The following CRYM variants were observed in gnomAD, a reference collection of about 807,000 sequenced individuals.
CRYM encodes crystallin mu, also known as ketimine reductase mu-crystallin.
CRYM carries 18 observed loss-of-function variants against 32.9 expected under a neutral mutation model. The observed-to-expected ratio is 0.55, with a 90% confidence interval of 0.38 to 0.81. The LOEUF (loss-of-function observed/expected upper bound fraction) is 0.81. Ranked by LOEUF, CRYM falls within the 30% of genes least tolerant of loss-of-function variation. CRYM has a pLI of 0.00. For missense variants in CRYM, 337 were observed against 393.5 expected (o/e 0.86, Z 1.21); for synonymous variants, 153 against 152.4 (o/e 1.00, Z -0.03).
intron 3 of CRYM, among the ~76,000 whole-genome samples, chr16:21,271,900 C>T (rs1055624396): frequency 6.6e-6 from 1 of 151,890 alleles, no homozygotes. Flanking sequence ...GCTTTGTCGC[C>T]CAGGCTGGAA....
chr16:21,270,151 G>A (rs1400661706), intron 3 of CRYM, among the ~76,000 whole-genome samples: 1 of 152,162 alleles, frequency 6.6e-6, no homozygotes, highest in African/African-American at 2.4e-5. Context: ...TTGACCCTAC[G>A]AGTTGGGGAC....
At chr16:21,295,793 G>A (rs1960776481) in intron 1 of CRYM, among the ~76,000 whole-genome samples, 1 of 152,140 alleles carries the variant, frequency 6.6e-6, no homozygotes, top group Non-Finnish European at 1.5e-5. Context: ...TTAGCTGGGT[G>A]TGGTGGCACA....
At chr16:21,272,449 C>T (rs2093377542) in intron 3 of CRYM, among the ~76,000 whole-genome samples, 1 of 152,130 alleles carries the variant, frequency 6.6e-6, no homozygotes, top group African/African-American at 2.4e-5. Flanking sequence ...TTCCTTCAAC[C>T]ACAGGGCCTT....
chr16:21,272,455 G>A (rs2093377547), intron 3 of CRYM, among the ~76,000 whole-genome samples: 1 of 152,012 alleles, frequency 6.6e-6, no homozygotes, highest in African/African-American at 2.4e-5. Context: ...CAACCACAGG[G>A]CCTTTGCATG....
intron 1 of CRYM, among the ~76,000 whole-genome samples, chr16:21,284,686 T>C (rs1171613239): frequency 6.6e-6 from 1 of 152,228 alleles, no homozygotes; most frequent in Non-Finnish European, 1.5e-5. Context: ...CCACCATTGA[T>C]AGGCACCTAG....
chr16:21,258,776 T>C lies in CRYM; in HGVS notation c.*5A>G, dbSNP rs2093348952. The C allele has an allele frequency of 6.2e-7, 1 of 1,613,094 alleles. No homozygotes were observed. The highest frequency in any genetic ancestry group is 1.3e-5 in the African/African-American group (1 of 75,056). On this transcript the variant is annotated 3_prime_UTR_variant, in exon 8 of 8. Transcript: ENST00000572914. ...GCATCCATCTCAACATCAAGTTCCTTTGTTTTATTTACCAGATGACCAGGA... is the reference window on the plus strand; with the variant it reads ...GCATCCATCTCAACATCAAGTTCCTCTGTTTTATTTACCAGATGACCAGGA...
At chr16:21,270,014 G>A in intron 3 of CRYM, 123 bp from the exon 4 acceptor site, 2 of 714,994 alleles carry the variant, frequency 2.8e-6, no homozygotes. Context: ...GAGCTTGCAG[G>A]CAATCAAGAG....
chr16:21,301,135 A>G (rs1960913659), intron 1 of CRYM: 1 of 152,302 alleles, frequency 6.6e-6, no homozygotes, highest in Non-Finnish European at 1.5e-5. Context: ...GCCTTTGGGA[A>G]GTTATCTGCT....
chr16:21,267,403 T>C (rs1166229500), intron 5 of CRYM, 151 bp downstream of exon 5: 2 of 842,964 alleles, frequency 2.4e-6, no homozygotes, highest in African/African-American at 1.7e-5. Context: ...CAGCCAAATA[T>C]TGTTTTTTTC....
intron 6 of CRYM, 178 bp downstream of exon 6, chr16:21,261,859 T>C (rs1402846262): frequency 5.9e-6 from 4 of 672,520 alleles, no homozygotes; most frequent in South Asian, 3.7e-5. Context: ...ATAATGCCCA[T>C]ATTTTTCTGG....
At chr16:21,297,377 G>A (rs1960810564) in intron 1 of CRYM, among the ~76,000 whole-genome samples, 1 of 152,014 alleles carries the variant, frequency 6.6e-6, no homozygotes, top group African/African-American at 2.4e-5. Context: ...TGGGCAACAA[G>A]AGCAAAACTC....
In CRYM at chr16:21,275,514, G is replaced by T; in HGVS notation, c.387+18C>A. On this transcript the variant is annotated intron_variant, in intron 3 of 7. Coordinates refer to ENST00000572914, the MANE Select transcript of CRYM (RefSeq NM_001376256.1). ...CTTGACAGCTCACCTTAATGGTACA[G>T]CCAGCCATTCATCTTACCTTGGTGG... is the stretch of plus-strand genomic sequence containing the variant. 1 of 1,610,248 alleles carries T rather than the reference G, an allele frequency of 6.2e-7. No individual in the cohort carries two copies. Among genetic ancestry groups the T allele is most frequent in the Non-Finnish European group, 8.5e-7 (1 of 1,176,586 alleles).
At chr16:21,295,775 A>G (rs1234104179) in intron 1 of CRYM, among the ~76,000 whole-genome samples, 1 of 152,164 alleles carries the variant, frequency 6.6e-6, no homozygotes, top group Non-Finnish European at 1.5e-5. Flanking sequence ...TTTACTAAAA[A>G]TACAAAATTA....
At chr16:21,273,718 C>A (rs8055277) in intron 3 of CRYM, among the ~76,000 whole-genome samples, 4 of 152,234 alleles carry the variant, frequency 2.6e-5, no homozygotes, top group East Asian at 1.9e-4. Flanking sequence ...TTCTTTTATG[C>A]GTAAAATGAG....
intron 5 of CRYM, 122 bp downstream of exon 5, chr16:21,267,432 G>A: frequency 9.8e-7 from 1 of 1,021,692 alleles, no homozygotes; most frequent in Non-Finnish European, 1.5e-6. Flanking sequence ...ATGTTTTCAA[G>A]GCCCTTAAAT....
chr16:21,290,801 A>G (rs1960630054), intron 1 of CRYM, among the ~76,000 whole-genome samples: 1 of 152,178 alleles, frequency 6.6e-6, no homozygotes, highest in Non-Finnish European at 1.5e-5. Flanking sequence ...TCAACTGATG[A>G]TATATTCCTT....
chr16:21,278,391 C>T (rs2093392087), upstream of CRYM: 5 of 1,050,740 alleles, frequency 4.8e-6, 1 homozygote, highest in South Asian at 5.6e-5. Flanking sequence ...GCAACCCCGC[C>T]CCGCCCCGCC....
chr16:21,298,601 G>A (rs1021297674), intron 1 of CRYM, among the ~76,000 whole-genome samples: 1 of 152,200 alleles, frequency 6.6e-6, no homozygotes, highest in Non-Finnish European at 1.5e-5. Context: ...AATTTTAGGG[G>A]TGCATGTGTA....
intron 1 of CRYM, among the ~76,000 whole-genome samples, chr16:21,290,315 G>A (rs2152864822): frequency 6.6e-6 from 1 of 152,240 alleles, no homozygotes; most frequent in African/African-American, 2.4e-5. Flanking sequence ...AACCCACCGG[G>A]AGGGACAAAC....
Sources: allele counts gnomAD v4.1 joint callset (sites outside exome capture counted in the v4.1 genomes callset), GRCh38; gene constraint gnomAD v4.1.1; transcripts MANE v1.5; gene names NCBI Gene and HGNC (gene_info 2026-07-23, HGNC 2026-07-21).